The following RALGDS variants were observed in gnomAD, a reference collection of about 807,000 sequenced individuals.
RALGDS encodes the protein ral guanine nucleotide exchange factor.
RALGDS carries 44 observed loss-of-function variants against 99.8 expected under a neutral mutation model. The ratio of observed to expected loss-of-function variants is 0.44; its 90% CI spans 0.35 to 0.57. The LOEUF is 0.57. RALGDS is among the 20% of genes least tolerant of loss of function. The pLI is 0.01. For synonymous variants in RALGDS, 529 were observed against 505.0 expected, an observed-to-expected ratio of 1.05 and a Z score of -0.64; for missense variants, 1,022 against 1,203.1, an observed-to-expected ratio of 0.85 and a Z score of 2.23.
At chr9:133,105,600 TC>T (rs1830978906) in intron 9 of RALGDS, among the ~76,000 whole-genome samples, 1 of 151,872 alleles carries the variant, frequency 6.6e-6, no homozygotes, top group African/African-American at 2.4e-5. Context: ...AGGAGCCGCA[TC>T]CCCTTCCCAC....
intron 2 of RALGDS, among the ~76,000 whole-genome samples, chr9:133,110,768 A>G (rs1412555097): frequency 6.6e-6 from 1 of 152,190 alleles, no homozygotes; most frequent in Admixed American, 6.5e-5. Flanking sequence ...GCTCTACAAA[A>G]AAATTGTTTA....
intron 1 of RALGDS, among the ~76,000 whole-genome samples, chr9:133,147,705 ACAG>A (rs772251292): frequency 2.6e-5 from 4 of 152,204 alleles, no homozygotes; most frequent in Non-Finnish European, 4.4e-5. Flanking sequence ...CGGCACTAGC[ACAG>A]CAGCAGCAGC....
At chr9:133,115,027 T>A (rs1409321986) in intron 1 of RALGDS, among the ~76,000 whole-genome samples, 2 of 152,006 alleles carry the variant, frequency 1.3e-5, no homozygotes, top group Non-Finnish European at 2.9e-5. Context: ...CTTCTCAGAG[T>A]GACAGGCCAG....
At chr9:133,114,746 C>G (rs147354837) in intron 1 of RALGDS, among the ~76,000 whole-genome samples, 10 of 152,344 alleles carry the variant, frequency 6.6e-5, no homozygotes, top group Admixed American at 5.2e-4. Flanking sequence ...AAGAACACCA[C>G]GTGCTTGGCT....
At chr9:133,145,791 C>T (rs544179698) in intron 1 of RALGDS, among the ~76,000 whole-genome samples, 7 of 152,338 alleles carry the variant, frequency 4.6e-5, no homozygotes, top group African/African-American at 9.6e-5. Context: ...ATGGTTCTAA[C>T]GTCTACTTCC....
At chr9:133,099,396 C>A (rs1402855289) in intron 17 of RALGDS, 3 of 153,154 alleles carry the variant, frequency 2.0e-5, no homozygotes, top group Non-Finnish European at 4.4e-5. Flanking sequence ...CCCACCTAAC[C>A]GAAATGGTGC....
rs1000599346 is a variant in RALGDS, at chr9:133,103,002, C to G, written c.1792-102G>C. On this transcript the variant is annotated intron_variant, in intron 12 of 17. Transcript: ENST00000372050. The stretch of plus-strand genomic sequence containing the variant: ...TTGGGGTCCCTTCCTCCCCTCTACT[C>G]CCATCCAGGCCTTCCTGTTCTCAAA... 5 of 1,521,398 alleles carry G rather than the reference C, an allele frequency of 3.3e-6. No homozygotes were observed. In the Admixed American group the frequency reaches 5.8e-5, roughly 18 times the overall value. The allele number at this position is 1,521,398 out of a possible 1,614,324, so 94.2% of individuals were successfully genotyped here. A position where few individuals can be genotyped will look rare whatever the true frequency, so the allele number is the denominator to read the frequency against.
chr9:133,099,119 A>C (rs547631687), intron 17 of RALGDS: 2 of 298,144 alleles, frequency 6.7e-6, no homozygotes, highest in African/African-American at 4.3e-5. Context: ...CCTACTCAGG[A>C]CAAGGGATCC....
chr9:133,098,525 C>T lies in RALGDS; in HGVS notation c.*62G>A. 1 of 1,574,892 alleles carries T rather than the reference C, an allele frequency of 6.3e-7. No individual in the cohort carries two copies. The highest frequency in any genetic ancestry group is 8.7e-7 in the Non-Finnish European group (1 of 1,148,568). The stretch of plus-strand genomic sequence containing the variant: ...AGGTGGGAGGAAGGCGCCCAGCTGG[C>T]CTGGGCCACTCTGGTCCATAAGTGC... On this transcript the variant is annotated 3_prime_UTR_variant, in exon 18 of 18. Transcript: ENST00000372050.
chr9:133,114,472 A>C (rs924692903), intron 1 of RALGDS, among the ~76,000 whole-genome samples: 2 of 152,134 alleles, frequency 1.3e-5, no homozygotes, highest in African/African-American at 2.4e-5. Flanking sequence ...ACAGAGAAAG[A>C]AAGCAGCCAA....
At chr9:133,101,459 G>A (rs1454932672) in intron 16 of RALGDS, 61 bp downstream of exon 16, 2 of 1,605,690 alleles carry the variant, frequency 1.2e-6, no homozygotes, top group Admixed American at 3.3e-5. Flanking sequence ...ATGGTGCACT[G>A]TGTTCAGGGT....
At chr9:133,113,667 T>C (rs565663961) in intron 1 of RALGDS, among the ~76,000 whole-genome samples, 1 of 152,262 alleles carries the variant, frequency 6.6e-6, no homozygotes, top group South Asian at 2.1e-4. Flanking sequence ...GCCTAGAAAG[T>C]TGTTCCTTTG....
upstream of RALGDS, among the ~76,000 whole-genome samples, chr9:133,134,139 AG>A (rs1832388978): frequency 6.6e-6 from 1 of 152,156 alleles, no homozygotes; most frequent in African/African-American, 2.4e-5. Context: ...ACACACATTC[AG>A]GCCCAGCCGG....
intron 1 of RALGDS, among the ~76,000 whole-genome samples, chr9:133,143,814 AATAAT>A (rs1429284896): frequency 7.2e-6 from 1 of 138,548 alleles, no homozygotes; most frequent in Admixed American, 7.0e-5. Context: ...TAATAATAAT[AATAAT>A]AAAATAAAGG....
At chr9:133,114,360 C>T (rs547677752) in intron 1 of RALGDS, among the ~76,000 whole-genome samples, 69 of 152,322 alleles carry the variant, frequency 4.5e-4, no homozygotes, top group Middle Eastern at 3.4e-3. Context: ...GCTGTTTAAA[C>T]CATCTGCTCA....
chr9:133,102,359 G>C, intron 14 of RALGDS, 117 bp downstream of exon 14: 3 of 1,249,312 alleles, frequency 2.4e-6, no homozygotes, highest in Non-Finnish European at 3.5e-6. Context: ...CTCAGGGCCA[G>C]TCAGCAGCAG....
upstream of RALGDS, among the ~76,000 whole-genome samples, chr9:133,121,933 T>A (rs1385643698): frequency 1.9e-5 from 2 of 106,024 alleles, no homozygotes; most frequent in Non-Finnish European, 4.2e-5. Context: ...AGTGGGGCCC[T>A]ACCTTTTTGG....
chr9:133,114,842 T>C (rs1385895293), intron 1 of RALGDS, among the ~76,000 whole-genome samples: 2 of 152,206 alleles, frequency 1.3e-5, no homozygotes, highest in East Asian at 3.8e-4. Flanking sequence ...GCTGTGCCTG[T>C]AAACACACTG....
intron 16 of RALGDS, chr9:133,101,002 A>T: frequency 1.9e-6 from 2 of 1,054,224 alleles, no homozygotes; most frequent in Non-Finnish European, 2.3e-6. Context: ...CACCTGGAGG[A>T]TGAAGAAAGA....
Sources: gnomAD v4.1 joint callset for allele counts (sites outside exome capture counted in the v4.1 genomes callset) on GRCh38, gnomAD v4.1.1 for gene constraint, MANE v1.5 for transcripts, NCBI Gene and HGNC (gene_info 2026-07-23, HGNC 2026-07-21) for gene names.